The following ABHD17C variants were observed in gnomAD, a reference collection of about 807,000 sequenced individuals.
The protein encoded by ABHD17C is abhydrolase domain containing 17C, depalmitoylase.
ABHD17C carries 11 observed loss-of-function variants against 27.9 expected under a neutral mutation model. That is an observed-to-expected ratio of 0.39 (90% CI 0.25 to 0.65). ABHD17C has a LOEUF of 0.65. Ranked by LOEUF, ABHD17C falls within the 30% of genes least tolerant of loss-of-function variation. The pLI, the probability that ABHD17C is intolerant of heterozygous loss-of-function variation, is 0.45. For missense variants in ABHD17C, 280 were observed against 470.2 expected (o/e 0.60, Z 3.74); for synonymous variants, 233 against 209.1 (o/e 1.11, Z -0.98).
At chr15:80,703,615 T>G (rs543267240) in intron 1 of ABHD17C, 9 of 152,372 alleles carry the variant, frequency 5.9e-5, no homozygotes, top group African/African-American at 2.2e-4. Context: ...AGGTAGATTT[T>G]TTTTAAGTGT....
chr15:80,749,372 A>T, intron 1 of ABHD17C, 141 bp from the exon 2 acceptor site: 1 of 802,238 alleles, frequency 1.2e-6, no homozygotes, highest in Non-Finnish European at 1.9e-6. Context: ...CATTCATCTT[A>T]AACTAAAGTG....
chr15:80,732,435 C>G (rs1287980190), intron 1 of ABHD17C, among the ~76,000 whole-genome samples: 1 of 152,222 alleles, frequency 6.6e-6, no homozygotes, highest in African/African-American at 2.4e-5. Context: ...ATTAACCTCT[C>G]TCAGAGCTTT....
intron 1 of ABHD17C, among the ~76,000 whole-genome samples, chr15:80,713,650 A>T (rs1201511196): frequency 1.3e-5 from 2 of 152,048 alleles, no homozygotes; most frequent in Non-Finnish European, 1.5e-5. Flanking sequence ...TCTACTAAAA[A>T]TACAAAAAAT....
intron 1 of ABHD17C, among the ~76,000 whole-genome samples, chr15:80,714,789 G>A (rs1318416418): frequency 6.6e-6 from 1 of 152,138 alleles, no homozygotes; most frequent in African/African-American, 2.4e-5. Context: ...TAAAAGTTGA[G>A]ACACCAGTGT....
At chr15:80,708,033 A>G (rs1328766744) in intron 1 of ABHD17C, among the ~76,000 whole-genome samples, 1 of 152,068 alleles carries the variant, frequency 6.6e-6, no homozygotes, top group Admixed American at 6.6e-5. Context: ...CAGTCCTTCC[A>G]CACCTGGGCC....
Position 80,754,530 on chromosome 15 carries a change from T to G in ABHD17C, c.*160T>G. Reference sequence around the variant, plus strand: ...GCTGATGAAATCTCAGTCTTTTGTATCTAGAGGTGGTTCTGCTAATTCACA... The same window carrying G: ...GCTGATGAAATCTCAGTCTTTTGTAGCTAGAGGTGGTTCTGCTAATTCACA... On this transcript the variant is annotated 3_prime_UTR_variant, in exon 3 of 3. Coordinates refer to ENST00000258884, the MANE Select transcript of ABHD17C (RefSeq NM_021214.2). 1.6e-6 allele frequency: 1 copy of G among 629,326 alleles called. No individual in the cohort carries two copies. Among genetic ancestry groups the G allele is most frequent in the South Asian group, 2.0e-5 (1 of 49,252 alleles). 39.0% of individuals were successfully genotyped at this position (629,326 alleles called of 1,614,324 possible).
intron 1 of ABHD17C, among the ~76,000 whole-genome samples, chr15:80,707,250 G>A (rs1385893336): frequency 1.3e-5 from 2 of 152,178 alleles, no homozygotes; most frequent in Admixed American, 1.3e-4. Context: ...TTAGAGGGAT[G>A]GAAATGATTT....
chr15:80,726,449 C>A (rs187244458), intron 1 of ABHD17C, among the ~76,000 whole-genome samples: 1 of 150,762 alleles, frequency 6.6e-6, no homozygotes, highest in East Asian at 1.9e-4. Context: ...GTTTTTTTCC[C>A]TCCAGTTTCA....
chr15:80,696,895 G>A (rs1453979644), intron 1 of ABHD17C, among the ~76,000 whole-genome samples: 1 of 152,194 alleles, frequency 6.6e-6, no homozygotes, highest in Non-Finnish European at 1.5e-5. Context: ...TTGTGCTCCA[G>A]TTTGGGTATC....
At chr15:80,733,881 T>TC (rs1410342130) in intron 1 of ABHD17C, among the ~76,000 whole-genome samples, 2 of 152,174 alleles carry the variant, frequency 1.3e-5, no homozygotes, top group African/African-American at 4.8e-5. Flanking sequence ...AGTTTTTTTT[T>TC]CCCCAACAGA....
intron 1 of ABHD17C, among the ~76,000 whole-genome samples, chr15:80,731,028 T>C (rs1412900679): frequency 6.6e-6 from 1 of 152,210 alleles, no homozygotes; most frequent in Non-Finnish European, 1.5e-5. Flanking sequence ...GGCCTTATTT[T>C]AGACTGACTT....
At chr15:80,737,932 G>A (rs752988275) in intron 1 of ABHD17C, among the ~76,000 whole-genome samples, 17 of 152,110 alleles carry the variant, frequency 1.1e-4, no homozygotes, top group Non-Finnish European at 2.2e-4. Flanking sequence ...TGTCCAAAGA[G>A]TTTGATGAAC....
chr15:80,741,377 A>G (rs1266618037), intron 1 of ABHD17C, among the ~76,000 whole-genome samples: 3 of 151,974 alleles, frequency 2.0e-5, no homozygotes, highest in Non-Finnish European at 4.4e-5. Flanking sequence ...TAATTTCACA[A>G]TTAGAAGATT....
chr15:80,746,857 CAT>C (rs1009802534), intron 1 of ABHD17C, among the ~76,000 whole-genome samples: 1 of 152,176 alleles, frequency 6.6e-6, no homozygotes, highest in Admixed American at 6.5e-5. Context: ...ATTTTGAAAA[CAT>C]ATGTTGGACT....
At chr15:80,720,105 TTC>T (rs1399215321) in intron 1 of ABHD17C, among the ~76,000 whole-genome samples, 2 of 152,214 alleles carry the variant, frequency 1.3e-5, no homozygotes, top group Non-Finnish European at 2.9e-5. Context: ...CAGCCTCCTT[TTC>T]TTTTTGTTGT....
intron 1 of ABHD17C, among the ~76,000 whole-genome samples, chr15:80,708,055 C>T (rs1894672533): frequency 6.6e-6 from 1 of 152,194 alleles, no homozygotes; most frequent in Non-Finnish European, 1.5e-5. Context: ...CGGGCACTGT[C>T]AGCGCAGCTC....
chr15:80,716,675 G>A (rs1192035704), intron 1 of ABHD17C, among the ~76,000 whole-genome samples: 2 of 152,162 alleles, frequency 1.3e-5, no homozygotes, highest in Non-Finnish European at 2.9e-5. Context: ...GCTCCATGAA[G>A]GCAGAAGTGG....
At chr15:80,753,892 T>C (rs755683756) in intron 2 of ABHD17C, among the ~76,000 whole-genome samples, 7 of 152,204 alleles carry the variant, frequency 4.6e-5, no homozygotes, top group East Asian at 1.9e-4. Flanking sequence ...ATATTGATAA[T>C]TGGGGAGACT....
chr15:80,714,453 TCCC>T (rs1894776163), intron 1 of ABHD17C, among the ~76,000 whole-genome samples: 2 of 152,224 alleles, frequency 1.3e-5, no homozygotes, highest in South Asian at 4.1e-4. Flanking sequence ...GAATGATTTG[TCCC>T]AGGTCACACC....
Sources: gnomAD v4.1 joint callset for allele counts (sites outside exome capture counted in the v4.1 genomes callset) on GRCh38, gnomAD v4.1.1 for gene constraint, MANE v1.5 for transcripts, NCBI Gene and HGNC (gene_info 2026-07-23, HGNC 2026-07-21) for gene names.